RBM28: variants seen among roughly 807,000 people sequenced by gnomAD.
The protein encoded by RBM28 is RNA-binding protein 28.
In RBM28, 78 loss-of-function variants were observed where a neutral mutation model predicts 98.3. That is an observed-to-expected ratio of 0.79 (90% CI 0.66 to 0.96). The LOEUF (loss-of-function observed/expected upper bound fraction) is 0.96. Ranked by LOEUF, RBM28 falls within the 40% of genes least tolerant of loss-of-function variation. RBM28 has a pLI of 0.00. For synonymous variants in RBM28, 306 were observed against 330.9 expected, an observed-to-expected ratio of 0.92 and a Z score of 0.82; for missense variants, 838 against 913.0, an observed-to-expected ratio of 0.92 and a Z score of 1.06.
At chr7:128,337,230 A>G in intron 5 of RBM28, 28 bp from the exon 6 acceptor site, 1 of 1,613,248 alleles carries the variant, frequency 6.2e-7, no homozygotes, top group Non-Finnish European at 8.5e-7. Flanking sequence ...GGCATCAGAA[A>G]GGCTCTCCTT....
At chr7:128,321,624 T>C (rs1022420359) in intron 13 of RBM28, among the ~76,000 whole-genome samples, 200 bp from the exon 14 acceptor site, 5 of 152,064 alleles carry the variant, frequency 3.3e-5, no homozygotes, top group Non-Finnish European at 5.9e-5. Context: ...GGGTGGGTAA[T>C]AGTAAAATCA....
At chr7:128,311,012 G>T in intron 18 of RBM28, 81 bp from the exon 19 acceptor site, 1 of 1,392,222 alleles carries the variant, frequency 7.2e-7, no homozygotes, top group Non-Finnish European at 1.0e-6. Context: ...ACCCAAGAGA[G>T]AAAGTAAGTG....
intron 17 of RBM28, among the ~76,000 whole-genome samples, chr7:128,313,664 T>C (rs1332626248): frequency 1.3e-5 from 2 of 152,222 alleles, no homozygotes; most frequent in Non-Finnish European, 2.9e-5. Context: ...AAATCTCACG[T>C]TGAATTGTAA....
intron 14 of RBM28, among the ~76,000 whole-genome samples, chr7:128,318,780 T>C (rs1300435944): frequency 6.6e-6 from 1 of 152,186 alleles, no homozygotes; most frequent in Non-Finnish European, 1.5e-5. Flanking sequence ...GTACATGGTA[T>C]TTTAAGCGTG....
Position 128,299,382 on chromosome 7 carries a change from GT to G in RBM28, c.*11414del, listed in dbSNP as rs1795751359. ...GGGAATATTGGCTTGCTGTGTCAGA[GT>G]TTGATAAAGGAGGTGACTGGGGGTG... On this transcript the variant is annotated 3_prime_UTR_variant, in exon 19 of 19. Transcript: ENST00000223073. 6.6e-6 allele frequency: 1 copy of G among 152,190 alleles called. No homozygotes were observed. Among genetic ancestry groups the G allele is most frequent in the South Asian group, 2.1e-4 (1 of 4,826 alleles). The allele number at this position is 152,190 out of a possible 1,614,324, so 9.4% of individuals were successfully genotyped here. A position where few individuals can be genotyped will look rare whatever the true frequency, so the allele number is the denominator to read the frequency against.
intron 13 of RBM28, among the ~76,000 whole-genome samples, chr7:128,322,513 TATTAAAGGAAC>T (rs1323280332): frequency 1.3e-5 from 2 of 152,198 alleles, no homozygotes; most frequent in Non-Finnish European, 2.9e-5. Flanking sequence ...GGAAAACGAC[TATTAAAGGAAC>T]ATCTGAAAAG....
In RBM28 at chr7:128,310,758, A is replaced by C. The variant is rs1342361089; in HGVS notation, c.*39T>G. The C allele has an allele frequency of 6.2e-7, 1 of 1,612,306 alleles. No individual in the cohort carries two copies. The highest frequency in any genetic ancestry group is 1.3e-5 in the African/African-American group (1 of 74,902). Reference sequence around the variant, plus strand: ...GAGGAGCCCAGGAGTGTCACCAGAAAGTACACAACCCAGCTTCTTACCCAG... The same window carrying C: ...GAGGAGCCCAGGAGTGTCACCAGAACGTACACAACCCAGCTTCTTACCCAG... On this transcript the variant is annotated 3_prime_UTR_variant, in exon 19 of 19. Transcript: ENST00000223073.
chr7:128,327,945 G>A (rs723627), intron 10 of RBM28, among the ~76,000 whole-genome samples: 12,619 of 152,218 alleles, frequency 0.083, 663 homozygotes, highest in African/African-American at 0.14. Flanking sequence ...TAGAGCTAGT[G>A]GGGGCATTGA....
rs1795848115 is a variant in RBM28 at position 128,305,474 on chromosome 7, C to T, written c.*5323G>A. ...GGTCGAGAGTAAGGAGATGAAGGGA[C>T]ATTTGAGACTCTGAATTTTTTCTTT... On this transcript the variant is annotated 3_prime_UTR_variant, in exon 19 of 19. Transcript: ENST00000223073. The T allele has an allele frequency of 6.6e-6, 1 of 152,190 alleles. No individual in the cohort carries two copies. Among genetic ancestry groups the T allele is most frequent in the Non-Finnish European group, 1.5e-5 (1 of 68,096 alleles). 9.4% of individuals were successfully genotyped at this position (152,190 alleles called of 1,614,324 possible).
intron 14 of RBM28, 58 bp downstream of exon 14, chr7:128,321,208 G>C: frequency 6.2e-7 from 1 of 1,602,442 alleles, no homozygotes; most frequent in Non-Finnish European, 8.5e-7. Context: ...TGAGGGAAAT[G>C]CTTGATCTGA....
intron 16 of RBM28, among the ~76,000 whole-genome samples, chr7:128,317,387 C>T (rs1444618888): frequency 6.6e-6 from 1 of 152,180 alleles, no homozygotes; most frequent in Non-Finnish European, 1.5e-5. Flanking sequence ...AATTTTGGCA[C>T]GTACTATCAC....
intron 16 of RBM28, 72 bp from the exon 17 acceptor site, chr7:128,315,092 G>A: frequency 6.3e-7 from 1 of 1,589,332 alleles, no homozygotes; most frequent in Non-Finnish European, 8.6e-7. Flanking sequence ...AGCAGAAGAT[G>A]AGCTTTATGT....
Position 128,310,704 on chromosome 7 carries a change from T to C in RBM28, c.*93A>G. 6.5e-7 allele frequency: 1 copy of C among 1,533,852 alleles called. No homozygotes were observed. Among genetic ancestry groups the C allele is most frequent in the Non-Finnish European group, 9.0e-7 (1 of 1,116,120 alleles). ...GTGGCAGTGCCCTTGGGGATTTTCT[T>C]TCCCTCAGTGAGAGACACGGGGGAT... On this transcript the variant is annotated 3_prime_UTR_variant, in exon 19 of 19. Transcript: ENST00000223073.
rs1795888175 is a variant in RBM28, at chr7:128,307,460, A to G, written c.*3337T>C. 6.6e-6 allele frequency: 1 copy of G among 152,196 alleles called. No homozygotes were observed. Among genetic ancestry groups the G allele is most frequent in the Admixed American group, 6.5e-5 (1 of 15,276 alleles). 9.4% of individuals were successfully genotyped at this position (152,196 alleles called of 1,614,324 possible). Reference sequence around the variant, plus strand: ...ATTTCTAGCTAGAAAACCTCTTTTCAAGACAAAAACATACCAAAGTACATT... The same window carrying G: ...ATTTCTAGCTAGAAAACCTCTTTTCGAGACAAAAACATACCAAAGTACATT... On this transcript the variant is annotated 3_prime_UTR_variant, in exon 19 of 19. Coordinates refer to ENST00000223073, the MANE Select transcript of RBM28 (RefSeq NM_018077.3).
intron 10 of RBM28, among the ~76,000 whole-genome samples, chr7:128,326,465 T>C (rs1796353518): frequency 6.6e-6 from 1 of 152,220 alleles, no homozygotes; most frequent in Non-Finnish European, 1.5e-5. Context: ...ATACCTTTTC[T>C]ATGTTTAGAA....
chr7:128,339,089 G>A, intron 3 of RBM28, 138 bp downstream of exon 3: 1 of 869,756 alleles, frequency 1.1e-6, no homozygotes, highest in Admixed American at 1.8e-5. Context: ...CCCACTTTCT[G>A]AATTCAACAG....
rs1186361102 is a variant in RBM28 at position 128,299,942 on chromosome 7, T to C, written c.*10855A>G. ...GGCAGAGACTGCAGTGATGCATCTATATGCCAGGCAACGCCAAGAAATTCC... is the reference window on the plus strand; with the variant it reads ...GGCAGAGACTGCAGTGATGCATCTACATGCCAGGCAACGCCAAGAAATTCC... On this transcript the variant is annotated 3_prime_UTR_variant, in exon 19 of 19. Coordinates refer to ENST00000223073, the MANE Select transcript of RBM28 (RefSeq NM_018077.3). 2 of 152,272 alleles carry C rather than the reference T, an allele frequency of 1.3e-5. No homozygotes were observed. Among genetic ancestry groups the C allele is most frequent in the African/African-American group, 2.4e-5 (1 of 41,474 alleles). The allele number at this position is 152,272 out of a possible 1,614,324, so 9.4% of individuals were successfully genotyped here.
At chr7:128,331,484 A>C (rs1408459184) in intron 9 of RBM28, among the ~76,000 whole-genome samples, 3 of 152,106 alleles carry the variant, frequency 2.0e-5, no homozygotes, top group Non-Finnish European at 2.9e-5. Flanking sequence ...AAATTGACCA[A>C]AATTCATTTC....
At chr7:128,324,488 A>C in intron 12 of RBM28, 71 bp downstream of exon 12, 2 of 1,599,886 alleles carry the variant, frequency 1.3e-6, no homozygotes, top group Non-Finnish European at 8.6e-7. Context: ...TTCCAGGCAT[A>C]CTATTGCTTG....
Sources: gnomAD v4.1 joint callset for allele counts (sites outside exome capture counted in the v4.1 genomes callset) on GRCh38, gnomAD v4.1.1 for gene constraint, MANE v1.5 for transcripts, NCBI Gene and HGNC (gene_info 2026-07-23, HGNC 2026-07-21) for gene names.